PPFIBP1: variants seen among roughly 807,000 people sequenced by gnomAD.
PPFIBP1 encodes liprin-beta-1.
Under a neutral mutation model 137.8 loss-of-function variants are expected in PPFIBP1, and 112 were observed. The ratio of observed to expected loss-of-function variants is 0.81; its 90% CI spans 0.70 to 0.95. The LOEUF (loss-of-function observed/expected upper bound fraction) is 0.95. Among genes scored for constraint, PPFIBP1 ranks in the 40% least tolerant of loss-of-function variants. The pLI, the probability that PPFIBP1 is intolerant of heterozygous loss-of-function variation, is 0.00. For synonymous variants in PPFIBP1, 378 were observed against 417.3 expected (o/e 0.91, Z 1.15); for missense variants, 1,083 against 1,196.6 (o/e 0.91, Z 1.40).
intron 1 of PPFIBP1, among the ~76,000 whole-genome samples, chr12:27,546,871 C>T (rs1231948851): frequency 6.6e-6 from 1 of 151,998 alleles, no homozygotes; most frequent in South Asian, 2.1e-4. Flanking sequence ...AAAAACTGGC[C>T]AGGCATGGTT....
chr12:27,525,109 T>C (rs562961809), intron 1 of PPFIBP1, among the ~76,000 whole-genome samples: 7 of 152,228 alleles, frequency 4.6e-5, no homozygotes, highest in Non-Finnish European at 1.0e-4. Context: ...GGATCTTTTT[T>C]AGAGAAGGGA....
At chr12:27,660,168 A>G (rs2059453089) in intron 10 of PPFIBP1, among the ~76,000 whole-genome samples, 1 of 152,184 alleles carries the variant, frequency 6.6e-6, no homozygotes, top group Admixed American at 6.5e-5. Flanking sequence ...CTGGGATTAC[A>G]GGCATGAGCC....
intron 1 of PPFIBP1, among the ~76,000 whole-genome samples, chr12:27,554,379 G>A (rs940330683): frequency 7.2e-5 from 11 of 152,212 alleles, no homozygotes; most frequent in Non-Finnish European, 1.2e-4. Flanking sequence ...GAATTTAGAA[G>A]TGCTCACTAC....
At chr12:27,621,824 C>A (rs1285410297) in intron 2 of PPFIBP1, among the ~76,000 whole-genome samples, 7 of 152,188 alleles carry the variant, frequency 4.6e-5, no homozygotes, top group African/African-American at 1.7e-4. Flanking sequence ...CTCACAAGTT[C>A]TTGCAGCTTT....
chr12:27,546,216 C>T (rs1946229905), intron 1 of PPFIBP1, among the ~76,000 whole-genome samples: 1 of 152,060 alleles, frequency 6.6e-6, no homozygotes, highest in Non-Finnish European at 1.5e-5. Flanking sequence ...AAAGAAGCCT[C>T]AACTAAGAAT....
At chr12:27,586,264 G>T (rs1239784151) in intron 2 of PPFIBP1, among the ~76,000 whole-genome samples, 1 of 152,162 alleles carries the variant, frequency 6.6e-6, no homozygotes, top group East Asian at 1.9e-4. Context: ...TTTTAACCTG[G>T]GATGGAAGAA....
At chr12:27,680,199 T>C (rs1235817401) in intron 21 of PPFIBP1, 138 bp downstream of exon 21, 1 of 1,226,334 alleles carries the variant, frequency 8.2e-7, no homozygotes, top group Admixed American at 2.5e-5. Context: ...CCATCATCTT[T>C]AGAGCCGTGC....
chr12:27,562,171 A>G (rs2049222279), intron 1 of PPFIBP1, among the ~76,000 whole-genome samples: 1 of 151,942 alleles, frequency 6.6e-6, no homozygotes, highest in Admixed American at 6.6e-5. Context: ...TTATTTATTT[A>G]TTTGCTGTTC....
chr12:27,566,586 T>G (rs929294997), intron 1 of PPFIBP1, among the ~76,000 whole-genome samples: 1 of 152,214 alleles, frequency 6.6e-6, no homozygotes, highest in Non-Finnish European at 1.5e-5. Flanking sequence ...ATTTTAACTT[T>G]TAATTACGGA....
chr12:27,534,211 G>A (rs1333701556), intron 1 of PPFIBP1, among the ~76,000 whole-genome samples: 1 of 152,160 alleles, frequency 6.6e-6, no homozygotes, highest in Non-Finnish European at 1.5e-5. Context: ...CCAAAATCAA[G>A]TGGAGGGCAG....
intron 1 of PPFIBP1, among the ~76,000 whole-genome samples, chr12:27,531,552 C>T (rs576932208): frequency 7.6e-4 from 115 of 152,168 alleles, no homozygotes; most frequent in African/African-American, 2.6e-3. Context: ...ATCTGCTGGC[C>T]TCAGCCTCCC....
intron 28 of PPFIBP1, among the ~76,000 whole-genome samples, 178 bp from the exon 29 acceptor site, chr12:27,692,413 T>G (rs1483405829): frequency 6.6e-6 from 1 of 152,220 alleles, no homozygotes; most frequent in Non-Finnish European, 1.5e-5. Flanking sequence ...AAAGTGTCTC[T>G]TCTAATTTTT....
At chr12:27,598,888 C>T (rs36010870) in intron 2 of PPFIBP1, among the ~76,000 whole-genome samples, 7,167 of 152,202 alleles carry the variant, frequency 0.047, 225 homozygotes, top group Non-Finnish European at 0.075. Context: ...TTTACATCGT[C>T]TAAGTAGTAT....
chr12:27,658,771 TTGTAA>T (rs771211045), intron 9 of PPFIBP1, 40 bp from the exon 10 acceptor site: 2 of 1,553,166 alleles, frequency 1.3e-6, no homozygotes, highest in Admixed American at 1.7e-5. Flanking sequence ...TTACTTATTG[TTGTAA>T]TGTATGCTAA....
At chr12:27,633,504 C>G (rs1414761035) in intron 3 of PPFIBP1, 44 bp downstream of exon 3, 4 of 1,528,760 alleles carry the variant, frequency 2.6e-6, no homozygotes, top group East Asian at 4.6e-5. Flanking sequence ...CATTTACTCT[C>G]CTCACTTGGC....
chr12:27,561,461 A>G (rs1179245031), intron 1 of PPFIBP1, among the ~76,000 whole-genome samples: 1 of 152,148 alleles, frequency 6.6e-6, no homozygotes, highest in Non-Finnish European at 1.5e-5. Flanking sequence ...TATAACAACT[A>G]TGGAGTTCTG....
intron 24 of PPFIBP1, among the ~76,000 whole-genome samples, chr12:27,683,661 G>C (rs1468332376): frequency 6.6e-6 from 1 of 152,216 alleles, no homozygotes; most frequent in Non-Finnish European, 1.5e-5. Context: ...CCAATGTGTA[G>C]GACTATTCCC....
At chr12:27,658,279 C>T (rs980182130) in intron 9 of PPFIBP1, among the ~76,000 whole-genome samples, 3 of 152,138 alleles carry the variant, frequency 2.0e-5, no homozygotes, top group South Asian at 2.1e-4. Context: ...CAGCTAACTA[C>T]GGGGATTGAG....
intron 2 of PPFIBP1, among the ~76,000 whole-genome samples, chr12:27,615,011 A>G (rs949139740): frequency 1.3e-5 from 2 of 152,224 alleles, no homozygotes; most frequent in African/African-American, 2.4e-5. Context: ...CATTAACCCA[A>G]TGAATGAATC....
Sources: gnomAD v4.1 joint callset for allele counts (sites outside exome capture counted in the v4.1 genomes callset) on GRCh38, gnomAD v4.1.1 for gene constraint, MANE v1.5 for transcripts, NCBI Gene and HGNC (gene_info 2026-07-23, HGNC 2026-07-21) for gene names.